RABGEF1: variants seen among roughly 807,000 people sequenced by gnomAD.
RABGEF1 encodes the protein rab5 GDP/GTP exchange factor.
In RABGEF1, 26 loss-of-function variants were observed where a neutral mutation model predicts 57.3. That is an observed-to-expected ratio of 0.45 (90% CI 0.33 to 0.63). The LOEUF (loss-of-function observed/expected upper bound fraction) is 0.63, where lower values mean the gene tolerates loss of function less well. Ranked by LOEUF, RABGEF1 falls within the 20% of genes least tolerant of loss-of-function variation. The probability of loss-of-function intolerance (pLI) is 0.02; values close to 1 mark genes in which losing one functional copy is unlikely to be tolerated. For synonymous variants in RABGEF1, 185 were observed against 210.7 expected (o/e 0.88, Z 1.06); for missense variants, 464 against 607.6 (o/e 0.76, Z 2.48).
intron 1 of RABGEF1, among the ~76,000 whole-genome samples, chr7:66,746,543 C>G (rs1800271993): frequency 6.6e-6 from 1 of 151,686 alleles, no homozygotes; most frequent in South Asian, 2.1e-4. Flanking sequence ...CCCGCCTCGG[C>G]CTCCCAAAGT....
At chr7:66,779,690 C>G (rs117010314) in intron 3 of RABGEF1, among the ~76,000 whole-genome samples, 3,355 of 150,086 alleles carry the variant, frequency 0.022, 50 homozygotes, top group Non-Finnish European at 0.034. Context: ...AAAAAAAACA[C>G]CAAAAACACA....
In RABGEF1 at chr7:66,713,169, T is replaced by C. The variant is rs1185230440; in HGVS notation, c.-815+945T>C. The stretch of plus-strand genomic sequence containing the variant: ...CTTTTTTTTTTTTTTTGAGACGTAG[T>C]CTCCCTCTGTCGCCCAGGCTGGAGT... On this transcript the variant is annotated intron_variant and NMD_transcript_variant, in intron 2 of 9. Coordinates refer to the RABGEF1 transcript ENST00000607882. 6.0e-5 allele frequency among the ~76,000 whole-genome samples: 9 copies of C among 149,848 alleles called. No homozygotes were observed. In the Admixed American group the frequency reaches 6.0e-4, roughly 10 times the overall value.
chr7:66,770,782 C>G (rs1372357246), intron 1 of RABGEF1, among the ~76,000 whole-genome samples: 1 of 152,266 alleles, frequency 6.6e-6, no homozygotes, highest in East Asian at 1.9e-4. Context: ...TTATGCCCAG[C>G]CTGGGTTTGT....
chr7:66,741,460 GGA>G (rs1364484972), intron 1 of RABGEF1, among the ~76,000 whole-genome samples: 1 of 152,118 alleles, frequency 6.6e-6, no homozygotes, highest in Non-Finnish European at 1.5e-5. Flanking sequence ...GGCAGTTTAG[GGA>G]GAGAGAGGGA....
intron 2 of RABGEF1, among the ~76,000 whole-genome samples, chr7:66,735,561 G>T (rs1004597544): frequency 6.6e-6 from 1 of 152,200 alleles, no homozygotes; most frequent in African/African-American, 2.4e-5. Context: ...CCTAAAGTTG[G>T]AGGTGAGGCC....
At chr7:66,728,629 CTCA>C (rs1197930488) in intron 2 of RABGEF1, among the ~76,000 whole-genome samples, 1 of 152,126 alleles carries the variant, frequency 6.6e-6, no homozygotes, top group Non-Finnish European at 1.5e-5. Context: ...CACCTCCATC[CTCA>C]TCATCCTCGC....
At chr7:66,761,276 G>A (rs774313081) in intron 1 of RABGEF1, among the ~76,000 whole-genome samples, 3 of 152,180 alleles carry the variant, frequency 2.0e-5, no homozygotes, top group Admixed American at 2.0e-4. Context: ...GTCCCCATGA[G>A]TGCCCCTCCT....
At chr7:66,765,895 A>C (rs1310349700) in intron 1 of RABGEF1, among the ~76,000 whole-genome samples, 6 of 152,192 alleles carry the variant, frequency 3.9e-5, no homozygotes, top group Non-Finnish European at 5.9e-5. Context: ...TGCTAGGCAG[A>C]CTTCCCAAAC....
chr7:66,663,688 A>G, the RABGEF1 span, among the ~76,000 whole-genome samples: 9 of 149,702 alleles, frequency 6.0e-5, no homozygotes, highest in Non-Finnish European at 1.2e-4. Context: ...ACATGTATAC[A>G]TATGTAACTA....
intron 2 of RABGEF1, among the ~76,000 whole-genome samples, chr7:66,735,707 T>A (rs1433544946): frequency 6.6e-6 from 1 of 152,202 alleles, no homozygotes; most frequent in Non-Finnish European, 1.5e-5. Flanking sequence ...CCCTTTGCTA[T>A]GGCCATGTGA....
At position 66,772,040 on chromosome 7, in the gene RABGEF1, G is replaced by A. The variant is rs753963734; in HGVS notation, c.141G>A (p.Arg47=). 49 of 1,579,246 alleles carry A rather than the reference G, an allele frequency of 3.1e-5. No individual in the cohort carries two copies. Among genetic ancestry groups the A allele is most frequent in the Non-Finnish European group, 3.8e-5 (44 of 1,163,928 alleles). Residue 47 remains arginine, a synonymous_variant, in exon 2 of 9, where the codon AGG becomes AGA. Transcript: ENST00000284957. ...GGAGGGAAGAGTACCACAAAGCCAG[G>A]CAGAAGCAGATTCAGGAGGACTGGG... The part of the protein sequence containing the change: ...KCWREEYHKA[R]QKQIQEDWEL...
chr7:66,728,632 A>C, intron 2 of RABGEF1, among the ~76,000 whole-genome samples: 2 of 13,316 alleles, frequency 1.5e-4, no homozygotes, highest in South Asian at 3.5e-3. Flanking sequence ...CTCCATCCTC[A>C]TCATCCTCGC....
upstream of RABGEF1, among the ~76,000 whole-genome samples, chr7:66,739,283 C>G (rs542339903): frequency 6.6e-6 from 1 of 151,826 alleles, no homozygotes; most frequent in Non-Finnish European, 1.5e-5. Flanking sequence ...GTACCCTCAG[C>G]GTAGCACACA....
intron 1 of RABGEF1, among the ~76,000 whole-genome samples, chr7:66,754,930 T>C (rs1440048172): frequency 1.3e-5 from 2 of 152,098 alleles, no homozygotes; most frequent in Non-Finnish European, 2.9e-5. Context: ...TCCCAGCACT[T>C]TGGGTGGCAA....
intron 1 of RABGEF1, among the ~76,000 whole-genome samples, chr7:66,691,503 CA>C (rs1203999738): frequency 6.6e-6 from 1 of 151,934 alleles, no homozygotes; most frequent in East Asian, 1.9e-4. Context: ...AAATTGGACC[CA>C]AAAAACATAT....
chr7:66,697,794 C>T (rs1490957881), intron 1 of RABGEF1, among the ~76,000 whole-genome samples: 3 of 152,068 alleles, frequency 2.0e-5, no homozygotes, highest in African/African-American at 7.2e-5. Context: ...ACTGAGGTCA[C>T]GTCTGGGACT....
At chr7:66,741,702 T>G (rs1160617929) in intron 1 of RABGEF1, among the ~76,000 whole-genome samples, 1 of 152,170 alleles carries the variant, frequency 6.6e-6, no homozygotes, top group Non-Finnish European at 1.5e-5. Flanking sequence ...TTGTTTTTAT[T>G]TATTATTTTT....
At chr7:66,785,707 T>C (rs1280590271) in intron 4 of RABGEF1, among the ~76,000 whole-genome samples, 1 of 152,136 alleles carries the variant, frequency 6.6e-6, no homozygotes. Context: ...ACCTTGTCTC[T>C]ACTAAAAATA....
At chr7:66,785,240 G>A (rs187101389) in intron 4 of RABGEF1, among the ~76,000 whole-genome samples, 1 of 152,264 alleles carries the variant, frequency 6.6e-6, no homozygotes, top group East Asian at 1.9e-4. Context: ...GTTTATATCA[G>A]AGACCTGCAT....
Sources: gnomAD v4.1 joint callset for allele counts (sites outside exome capture counted in the v4.1 genomes callset) on GRCh38, gnomAD v4.1.1 for gene constraint, MANE v1.5 for transcripts, NCBI Gene and HGNC (gene_info 2026-07-23, HGNC 2026-07-21) for gene names.